The following BRWD3 variants were observed in gnomAD, a reference collection of about 807,000 sequenced individuals.
BRWD3 encodes the protein bromodomain and WD repeat domain containing 3.
In BRWD3, 10 loss-of-function variants were observed where a neutral mutation model predicts 149.7. The observed-to-expected ratio is 0.07, with a 90% confidence interval of 0.04 to 0.11. BRWD3 has a LOEUF of 0.11. Ranked by LOEUF, BRWD3 falls within the 10% of genes least tolerant of loss-of-function variation. The probability of loss-of-function intolerance (pLI) is 1.00; values close to 1 mark genes in which losing one functional copy is unlikely to be tolerated. For missense variants in BRWD3, 940 were observed against 1,373.2 expected (o/e 0.68, Z 4.99); for synonymous variants, 504 against 456.7 (o/e 1.10, Z -1.32).
At chrX:80,777,440 T>C (rs2074011267) in intron 6 of BRWD3, among the ~76,000 whole-genome samples, 1 of 111,590 alleles carries the variant, frequency 9.0e-6, no homozygotes. Flanking sequence ...TCACCCTGAC[T>C]GTAGTGCAAT....
At position 80,671,683 on chromosome X, in the gene BRWD3, C is replaced by A. The variant is rs1296255158; in HGVS notation, c.*4926G>T. 8.9e-6 allele frequency: 1 copy of A among 111,845 alleles called. No homozygotes were observed. Among genetic ancestry groups the A allele is most frequent in the African/African-American group, 3.2e-5 (1 of 30,837 alleles). The allele number at this position is 111,845 out of a possible 1,213,427, so 9.2% of individuals were successfully genotyped here. A position where few individuals can be genotyped will look rare whatever the true frequency, so the allele number is the denominator to read the frequency against. On this transcript the variant is annotated 3_prime_UTR_variant, in exon 41 of 41. Coordinates refer to ENST00000373275, the MANE Select transcript of BRWD3 (RefSeq NM_153252.5). ...AACAAAACATCTTTTATAAATCAAG[C>A]CAGTTTATATTACCTTTTTTACTGA...
intron 6 of BRWD3, among the ~76,000 whole-genome samples, chrX:80,752,650 T>A (rs1025676476): frequency 8.9e-6 from 1 of 111,843 alleles, no homozygotes; most frequent in African/African-American, 3.3e-5. Context: ...CTGTGATAAT[T>A]AGTGATGTTG....
chrX:80,794,542 T>C (rs1466057912), intron 4 of BRWD3, among the ~76,000 whole-genome samples: 1 of 109,449 alleles, frequency 9.1e-6, no homozygotes, highest in African/African-American at 3.3e-5. Context: ...TATATATATC[T>C]CTATATGTAT....
At chrX:80,807,366 T>G (rs1483994129) in intron 4 of BRWD3, among the ~76,000 whole-genome samples, 1 of 112,319 alleles carries the variant, frequency 8.9e-6, no homozygotes, top group Non-Finnish European at 1.9e-5. Context: ...GGCCTCACTG[T>G]TGTAAGATAA....
Position 80,685,529 on chromosome X carries a change from T to A in BRWD3, c.4013A>T (p.Gln1338Leu). 8.3e-7 allele frequency: 1 copy of A among 1,202,605 alleles called. No homozygotes were observed. Among genetic ancestry groups the A allele is most frequent in the Non-Finnish European group, 1.1e-6 (1 of 887,724 alleles). ...PADLLSYPGH[Q>L]EQEGESSESV... is the part of the protein sequence containing the mutation. ...CTCTGAGGATTCTCCCTCTTGCTCC[T>A]GATGACCCTATTAGGGTGAAGAACA... Residue 1338 changes from glutamine (Q) to leucine (L), a missense_variant, in exon 36 of 41, where the codon CAG becomes CTG. This residue lies in a region of BRWD3 where 349 missense variants were observed against 419.6 expected (regional missense o/e 0.83). Coordinates refer to ENST00000373275, the MANE Select transcript of BRWD3 (RefSeq NM_153252.5).
At position 80,704,606 on chromosome X, in the gene BRWD3, A is replaced by G. The variant is rs188397681; in HGVS notation, c.2721+72T>C. Reference sequence around the variant, plus strand: ...TTTTTAGAGAAAAGTCAATGTTACAATTAAATATTTAAGTTATCAAAGGCA... The same window carrying G: ...TTTTTAGAGAAAAGTCAATGTTACAGTTAAATATTTAAGTTATCAAAGGCA... On this transcript the variant is annotated intron_variant, in intron 23 of 40. Transcript: ENST00000373275. The G allele has an allele frequency of 6.1e-5, 59 of 969,276 alleles. No homozygotes were observed. The Middle Eastern group carries it at 1.3e-3, about 22-fold the overall frequency. 79.9% of individuals were successfully genotyped at this position (969,276 alleles called of 1,213,427 possible).
chrX:80,685,771 T>G (rs954035139), intron 35 of BRWD3, among the ~76,000 whole-genome samples: 5 of 111,846 alleles, frequency 4.5e-5, no homozygotes, highest in Non-Finnish European at 9.4e-5. Flanking sequence ...GAACACAATC[T>G]CGTTCCTTAC....
intron 27 of BRWD3, among the ~76,000 whole-genome samples, chrX:80,695,200 T>C (rs780878249): frequency 1.3e-4 from 14 of 111,973 alleles, no homozygotes; most frequent in African/African-American, 2.3e-4. Context: ...TCTGCCATGA[T>C]TGTAAATGTC....
In BRWD3 at chrX:80,692,162, TAAG is replaced by T. The variant is rs756401634; in HGVS notation, c.3264-15_3264-13del. On this transcript the variant is annotated splice_polypyrimidine_tract_variant and intron_variant, in intron 28 of 40. Coordinates refer to ENST00000373275, the MANE Select transcript of BRWD3 (RefSeq NM_153252.5). ...CATTATTGTCCCAGCTATTAAAAAATAAGAAGATGCAAATCAAATTAATCATAT... is the reference window on the plus strand; with the variant it reads ...CATTATTGTCCCAGCTATTAAAAAATAAGATGCAAATCAAATTAATCATAT... The T allele has an allele frequency of 9.6e-5, 114 of 1,187,368 alleles. No individual in the cohort carries two copies. The Middle Eastern group carries it at 1.2e-3, about 12-fold the overall frequency.
At chrX:80,758,382 T>C (rs1427083165) in intron 6 of BRWD3, among the ~76,000 whole-genome samples, 1 of 111,573 alleles carries the variant, frequency 9.0e-6, no homozygotes, top group Non-Finnish European at 1.9e-5. Context: ...TAACAAGCTC[T>C]GCAGTGATGG....
chrX:80,761,665 T>A (rs2073804143), intron 6 of BRWD3, among the ~76,000 whole-genome samples: 1 of 112,118 alleles, frequency 8.9e-6, no homozygotes. Flanking sequence ...TATACTAAAC[T>A]TAAGGTTTAA....
At chrX:80,687,135 T>A in intron 34 of BRWD3, 132 bp from the exon 35 acceptor site, 1 of 479,103 alleles carries the variant, frequency 2.1e-6, no homozygotes, top group Non-Finnish European at 3.1e-6. Flanking sequence ...GCAGCTGCTA[T>A]TTTAGTTTCT....
intron 4 of BRWD3, among the ~76,000 whole-genome samples, chrX:80,800,726 A>G (rs1218131100): frequency 9.0e-6 from 1 of 110,729 alleles, no homozygotes; most frequent in Non-Finnish European, 1.9e-5. Context: ...CTGAATTTGA[A>G]AGAGAAGTGA....
chrX:80,700,878 T>A (rs1041551353), intron 24 of BRWD3, among the ~76,000 whole-genome samples: 2 of 111,499 alleles, frequency 1.8e-5, no homozygotes, highest in African/African-American at 6.5e-5. Context: ...TAGGAGGATG[T>A]ACATAGGTTA....
At chrX:80,695,864 TG>T in intron 27 of BRWD3, 43 bp downstream of exon 27, 1 of 1,066,359 alleles carries the variant, frequency 9.4e-7, no homozygotes, top group Non-Finnish European at 1.3e-6. Context: ...AGTTACTTAC[TG>T]TACATAAGCT....
chrX:80,735,128 A>G lies in BRWD3; in HGVS notation c.984T>C (p.Ser328=). The change falls in exon 10 of 41, where the codon TCT becomes TCC. Residue 328 remains serine, a splice_region_variant and synonymous_variant. Transcript: ENST00000373275. The part of the protein sequence containing the change: ...GVQISCSSFS[S]GGMFITTGST... ...AAAACATTCCAGTTTTACACATACC[A>G]GAACTGAAAGATGAACAAGATATCT... The G allele has an allele frequency of 8.4e-7, 1 of 1,196,855 alleles. No individual in the cohort carries two copies. Among genetic ancestry groups the G allele is most frequent in the Non-Finnish European group, 1.1e-6 (1 of 882,110 alleles).
Position 80,690,116 on chromosome X carries a change from T to C in BRWD3, c.3603-24A>G, listed in dbSNP as rs749335704. The C allele has an allele frequency of 5.0e-6, 6 of 1,190,683 alleles. No homozygotes were observed. The East Asian group carries it at 1.8e-4, about 36-fold the overall frequency. On this transcript the variant is annotated intron_variant, in intron 31 of 40. Coordinates refer to ENST00000373275, the MANE Select transcript of BRWD3 (RefSeq NM_153252.5). ...TCCTGTGAAAGAAAAAATACTCTGT[T>C]AGCCTTGGCTAATATATTTAAAGTA...
Position 80,696,801 on chromosome X carries a change from G to A in BRWD3, c.3006C>T (p.Cys1002=), listed in dbSNP as rs979701606. The A allele has an allele frequency of 3.3e-6, 4 of 1,207,031 alleles. No individual in the cohort carries two copies. In the Admixed American group the frequency reaches 6.6e-5, roughly 20 times the overall value. ...KYEVGPPTLC[C]LKLAFLDPIS... ...TTGGGTCCAGAAATGCAAGCTTCAA[G>A]CAGCACAGTGTGGGTGGGCCAACCT... Residue 1002 remains cysteine, a synonymous_variant, in exon 26 of 41, where the codon TGC becomes TGT. Transcript: ENST00000373275.
rs965285374 is a variant in BRWD3, at chrX:80,675,844, G to A, written c.*765C>T. The A allele has an allele frequency of 2.7e-5, 3 of 111,729 alleles. No homozygotes were observed. The East Asian group carries it at 8.4e-4, about 31-fold the overall frequency. 9.2% of individuals were successfully genotyped at this position (111,729 alleles called of 1,213,427 possible). On this transcript the variant is annotated 3_prime_UTR_variant, in exon 41 of 41. Transcript: ENST00000373275. Reference sequence around the variant, plus strand: ...TTGCATTTGGCACCTTGTCTAGATTGATACCTCAAGTATTCTTTTTTAATA... The same window carrying A: ...TTGCATTTGGCACCTTGTCTAGATTAATACCTCAAGTATTCTTTTTTAATA...
Sources: allele counts gnomAD v4.1 joint callset (sites outside exome capture counted in the v4.1 genomes callset), GRCh38; gene constraint gnomAD v4.1.1; regional missense constraint gnomAD v4.1.1; transcripts MANE v1.5; gene names NCBI Gene and HGNC (gene_info 2026-07-23, HGNC 2026-07-21).